The following PDE4B variants were observed in gnomAD, a reference collection of about 807,000 sequenced individuals.
PDE4B encodes 3',5'-cyclic-AMP phosphodiesterase 4B.
In PDE4B, 20 loss-of-function variants were observed where a neutral mutation model predicts 82.2. That is an observed-to-expected ratio of 0.24 (90% confidence interval 0.17 to 0.35). The LOEUF is 0.35. Ranked by LOEUF, PDE4B falls within the 10% of genes least tolerant of loss-of-function variation. The pLI, the probability that PDE4B is intolerant of heterozygous loss-of-function variation, is 1.00. For synonymous variants in PDE4B, 320 were observed against 318.9 expected (o/e 1.00, Z -0.04); for missense variants, 655 against 907.2 (o/e 0.72, Z 3.57).
intron 7 of PDE4B, among the ~76,000 whole-genome samples, chr1:66,330,223 C>A (rs759078101): frequency 3.9e-5 from 6 of 152,200 alleles, no homozygotes; most frequent in Non-Finnish European, 8.8e-5. Flanking sequence ...GATGGCTGAT[C>A]TGAAGAAGAG....
chr1:65,991,048 A>G (rs72916490), intron 3 of PDE4B, among the ~76,000 whole-genome samples: 3,297 of 150,822 alleles, frequency 0.022, 124 homozygotes, highest in African/African-American at 0.076. Flanking sequence ...GATATTTAGC[A>G]CATTTTAGCC....
At chr1:66,130,501 ACC>A (rs1054434369) in intron 3 of PDE4B, among the ~76,000 whole-genome samples, 2 of 151,924 alleles carry the variant, frequency 1.3e-5, no homozygotes, top group Admixed American at 6.6e-5. Flanking sequence ...CACCTCACAG[ACC>A]CCCACTTAAG....
chr1:66,253,619 A>G (rs1171590499), intron 4 of PDE4B, among the ~76,000 whole-genome samples: 2 of 152,214 alleles, frequency 1.3e-5, no homozygotes, highest in Non-Finnish European at 2.9e-5. Context: ...AATCAATCAA[A>G]TGTTTTATAA....
intron 3 of PDE4B, among the ~76,000 whole-genome samples, chr1:65,983,572 A>G (rs1650799846): frequency 6.6e-6 from 1 of 152,182 alleles, no homozygotes; most frequent in Non-Finnish European, 1.5e-5. Flanking sequence ...TAAAAACGGT[A>G]ATTGCAACAT....
intron 1 of PDE4B, among the ~76,000 whole-genome samples, chr1:65,834,416 C>A (rs1434839339): frequency 1.3e-5 from 2 of 152,168 alleles, no homozygotes; most frequent in Non-Finnish European, 2.9e-5. Context: ...GTATGGGCCT[C>A]TTACACAGTA....
At chr1:66,252,818 G>C (rs563143044) in intron 4 of PDE4B, among the ~76,000 whole-genome samples, 22 of 152,092 alleles carry the variant, frequency 1.4e-4, no homozygotes, top group Non-Finnish European at 2.8e-4. Flanking sequence ...GCGTGCTTGT[G>C]GTCCCAGCTC....
chr1:65,811,152 A>G (rs1331960586), intron 1 of PDE4B, among the ~76,000 whole-genome samples: 2 of 152,218 alleles, frequency 1.3e-5, no homozygotes, highest in African/African-American at 2.4e-5. Context: ...AATGGTCTAC[A>G]TTATCTCATC....
intron 6 of PDE4B, among the ~76,000 whole-genome samples, chr1:66,260,964 T>C (rs1303387177): frequency 3.3e-5 from 5 of 152,186 alleles, no homozygotes; most frequent in African/African-American, 1.2e-4. Flanking sequence ...TTGTATCTAA[T>C]GATCTTTCTC....
At chr1:65,808,169 CTTTTTTT>C (rs920861530) in intron 1 of PDE4B, among the ~76,000 whole-genome samples, 19 of 128,992 alleles carry the variant, frequency 1.5e-4, no homozygotes, top group African/African-American at 4.0e-4. Flanking sequence ...TAGACAAACA[CTTTTTTT>C]TTTTTTTTTT....
chr1:66,258,129 A>T (rs1654391028), intron 6 of PDE4B, among the ~76,000 whole-genome samples: 1 of 152,230 alleles, frequency 6.6e-6, no homozygotes, highest in Non-Finnish European at 1.5e-5. Context: ...AACAAAAGGA[A>T]GATTTAATTT....
chr1:65,835,861 C>T (rs1646133696), intron 1 of PDE4B, among the ~76,000 whole-genome samples: 1 of 152,088 alleles, frequency 6.6e-6, no homozygotes, highest in African/African-American at 2.4e-5. Context: ...TATCCAGTAA[C>T]ACCAGACCTG....
intron 1 of PDE4B, among the ~76,000 whole-genome samples, chr1:65,839,148 ATC>A (rs1401377881): frequency 1.3e-5 from 2 of 151,472 alleles, no homozygotes; most frequent in Non-Finnish European, 2.9e-5. Flanking sequence ...AGTTATAAAA[ATC>A]TCTATATTAT....
At chr1:66,361,472 C>A in intron 9 of PDE4B, 143 bp from the exon 10 acceptor site, 1 of 594,018 alleles carries the variant, frequency 1.7e-6, no homozygotes, top group South Asian at 2.6e-5. Context: ...ATAGAACTGC[C>A]CTAGAGATAC....
chr1:66,222,724 G>A (rs1651095395), intron 3 of PDE4B, among the ~76,000 whole-genome samples: 1 of 152,144 alleles, frequency 6.6e-6, no homozygotes, highest in Admixed American at 6.5e-5. Context: ...GTGAATTGTT[G>A]TAAGAATGAT....
At chr1:65,977,769 C>T (rs948390843) in intron 3 of PDE4B, among the ~76,000 whole-genome samples, 8 of 152,150 alleles carry the variant, frequency 5.3e-5, no homozygotes, top group African/African-American at 1.7e-4. Context: ...TTGCTTTAGG[C>T]ACTAAGGAGA....
At chr1:65,818,703 T>TATATAA (rs1191617809) in intron 1 of PDE4B, among the ~76,000 whole-genome samples, 1 of 148,832 alleles carries the variant, frequency 6.7e-6, no homozygotes, top group Non-Finnish European at 1.5e-5. Flanking sequence ...TATATATATA[T>TATATAA]AAAATAACAA....
chr1:66,286,326 G>A (rs962481988), intron 7 of PDE4B, among the ~76,000 whole-genome samples: 4 of 152,138 alleles, frequency 2.6e-5, no homozygotes, highest in African/African-American at 9.7e-5. Flanking sequence ...AGGTGAGGGA[G>A]TGCACCTAAC....
At chr1:66,102,564 G>T (rs372726512) in intron 3 of PDE4B, among the ~76,000 whole-genome samples, 2 of 151,830 alleles carry the variant, frequency 1.3e-5, no homozygotes, top group African/African-American at 4.8e-5. Flanking sequence ...AAATCCCCGG[G>T]GCTATTCTAA....
intron 3 of PDE4B, among the ~76,000 whole-genome samples, chr1:66,127,927 G>A (rs1284524179): frequency 1.3e-5 from 2 of 151,984 alleles, no homozygotes; most frequent in Non-Finnish European, 2.9e-5. Flanking sequence ...CTTTGATTGG[G>A]GGATTTTCTA....
Sources: allele counts gnomAD v4.1 joint callset (sites outside exome capture counted in the v4.1 genomes callset), GRCh38; gene constraint gnomAD v4.1.1; transcripts MANE v1.5; gene names NCBI Gene and HGNC (gene_info 2026-07-23, HGNC 2026-07-21).